The following RUFY4 variants were observed in gnomAD, a reference collection of about 807,000 sequenced individuals.
RUFY4 encodes RUN and FYVE domain-containing protein 4.
Under a neutral mutation model 69.0 loss-of-function variants are expected in RUFY4, and 73 were observed. The ratio of observed to expected loss-of-function variants is 1.06; its 90% CI spans 0.88 to 1.29. RUFY4 has a LOEUF of 1.29. RUFY4 is among the 50% of genes most tolerant of loss of function. The probability of loss-of-function intolerance (pLI) is 0.00; values close to 1 mark genes in which losing one functional copy is unlikely to be tolerated. For synonymous variants in RUFY4, 287 were observed against 271.8 expected, an observed-to-expected ratio of 1.06 and a Z score of -0.55; for missense variants, 770 against 705.6, an observed-to-expected ratio of 1.09 and a Z score of -1.03.
exon 7 of RUFY4, chr2:218,075,731 C>T (rs374465749): frequency 6.0e-5 from 87 of 1,440,322 alleles, no homozygotes; most frequent in African/African-American, 2.4e-4. Context: ...CCCTGCAGGA[C>T]GAGATCAAGG....
At chr2:218,089,965 C>T in exon 11 of RUFY4, 1 of 1,561,854 alleles carries the variant, frequency 6.4e-7, no homozygotes, top group South Asian at 1.2e-5. Context: ...CTGTGGAGGC[C>T]TGCTCTGCCA....
chr2:218,077,275 T>C (rs1689656822), intron 8 of RUFY4, among the ~76,000 whole-genome samples: 1 of 152,208 alleles, frequency 6.6e-6, no homozygotes, highest in South Asian at 2.1e-4. Flanking sequence ...ATCCAGTGTC[T>C]TCATCTTCCG....
chr2:218,081,937 C>T (rs1013213237), intron 8 of RUFY4, among the ~76,000 whole-genome samples: 1 of 152,194 alleles, frequency 6.6e-6, no homozygotes, highest in African/African-American at 2.4e-5. Flanking sequence ...AAGCCTCTTC[C>T]GCTCAAACAC....
chr2:218,070,190 A>T, upstream of RUFY4: 1 of 265,506 alleles, frequency 3.8e-6, no homozygotes, highest in South Asian at 4.6e-5. Context: ...AGGACCCAGA[A>T]CACAGGCCCT....
upstream of RUFY4, among the ~76,000 whole-genome samples, chr2:218,066,177 C>CTTTTTTTT (rs58665951): frequency 3.6e-4 from 27 of 74,422 alleles, no homozygotes; most frequent in Non-Finnish European, 4.5e-4. Flanking sequence ...CTTTTCTTTT[C>CTTTTTTTT]TTTTTTTTTT....
At chr2:218,060,777 G>C in intron 3 of RUFY4, 1 of 1,571,580 alleles carries the variant, frequency 6.4e-7, no homozygotes, top group Non-Finnish European at 8.8e-7. Flanking sequence ...AAAGGACTGG[G>C]GCAGGATCCG....
intron 3 of RUFY4, chr2:218,060,298 G>A: frequency 2.0e-6 from 3 of 1,489,476 alleles, no homozygotes; most frequent in Non-Finnish European, 2.7e-6. Context: ...ACTGTGAAGA[G>A]AAGGGAGGAA....
Position 218,075,240 on chromosome 2 carries a change from G to T in RUFY4, c.748G>T (p.Glu250Ter). 6.4e-7 allele frequency: 1 copy of T among 1,569,654 alleles called. No individual in the cohort carries two copies. Among genetic ancestry groups the T allele is most frequent in the Admixed American group, 1.9e-5 (1 of 52,550 alleles). ...ACAAAGGCATCTTCCTTTCTTTTTG[G>T]AAAAGAAGGGGGAAAGTTCCAGGAA... The change falls in exon 7 of 11, where the codon GAA becomes TAA. Residue 250 changes from glutamate (E) to a stop codon, truncating the protein, a stop_gained. Transcript: ENST00000344321. LOFTEE classifies it high-confidence loss of function.
chr2:218,085,260 G>GTGAT (rs988686483), intron 9 of RUFY4, among the ~76,000 whole-genome samples: 4 of 152,012 alleles, frequency 2.6e-5, no homozygotes, highest in African/African-American at 9.7e-5. Context: ...CAGTGCAAAG[G>GTGAT]TGATTAATCA....
intron 4 of RUFY4, 52 bp downstream of exon 6, chr2:218,072,937 C>G: frequency 7.1e-7 from 1 of 1,408,226 alleles, no homozygotes; most frequent in South Asian, 1.4e-5. Flanking sequence ...CACTTTCCCT[C>G]CTTTGTAAAA....
intron 8 of RUFY4, 103 bp from the exon 11 acceptor site, chr2:218,083,007 C>T: frequency 2.3e-6 from 3 of 1,291,348 alleles, no homozygotes; most frequent in Non-Finnish European, 3.0e-6. Context: ...GGGGGCATCA[C>T]CAGCGTCTCC....
In RUFY4 at chr2:218,082,405, TG is replaced by T. The variant is rs1298009036; in HGVS notation, c.1356-703del. ...CCTTCCCTCCAGAGAGCTGCCATGA[TG>T]GTGAACACACCTTTCAAGAAAGTTA... On this transcript the variant is annotated intron_variant, in intron 8 of 10. Coordinates refer to ENST00000344321, the Ensembl canonical transcript of RUFY4. Among the ~76,000 whole-genome samples the T allele has an allele frequency of 3.9e-5, 6 of 152,288 alleles. No individual in the cohort carries two copies. In the East Asian group the frequency reaches 1.2e-3, roughly 29 times the overall value.
chr2:218,076,648 C>T, intron 8 of RUFY4, 115 bp downstream of exon 10: 3 of 1,459,864 alleles, frequency 2.1e-6, no homozygotes, highest in South Asian at 1.4e-5. Context: ...AGGCCCTGGA[C>T]TGGGCACACC....
intron 2 of RUFY4, among the ~76,000 whole-genome samples, chr2:218,048,065 T>A (rs969440191): frequency 7.2e-5 from 11 of 152,188 alleles, no homozygotes; most frequent in African/African-American, 2.7e-4. Flanking sequence ...TTGAACTAAT[T>A]TACACTCCCA....
intron 2 of RUFY4, among the ~76,000 whole-genome samples, chr2:218,055,836 A>C (rs1193249888): frequency 6.6e-6 from 1 of 152,230 alleles, no homozygotes; most frequent in East Asian, 1.9e-4. Context: ...CTTCATGCTT[A>C]GGCAGCTTTT....
At chr2:218,044,121 C>T (rs2106027679) in intron 2 of RUFY4, among the ~76,000 whole-genome samples, 1 of 152,310 alleles carries the variant, frequency 6.6e-6, no homozygotes, top group Non-Finnish European at 1.5e-5. Flanking sequence ...CTTCTGGGGC[C>T]TCCAAAGCAC....
At chr2:218,071,059 G>A (rs1689474765) in intron 2 of RUFY4, among the ~76,000 whole-genome samples, 200 bp downstream of exon 4, 1 of 152,206 alleles carries the variant, frequency 6.6e-6, no homozygotes, top group African/African-American at 2.4e-5. Flanking sequence ...AGCGGGGCTG[G>A]AAGGGACCCA....
chr2:218,062,138 G>A (rs1689209837), intron 3 of RUFY4, among the ~76,000 whole-genome samples: 1 of 152,154 alleles, frequency 6.6e-6, no homozygotes, highest in Non-Finnish European at 1.5e-5. Flanking sequence ...AGTGGCTCAC[G>A]CCTGTAATCC....
At chr2:218,080,480 T>A (rs1335986723) in intron 8 of RUFY4, among the ~76,000 whole-genome samples, 1 of 152,144 alleles carries the variant, frequency 6.6e-6, no homozygotes, top group African/African-American at 2.4e-5. Flanking sequence ...CTGGGGACAG[T>A]GGTCTGCCCT....
Sources: allele counts gnomAD v4.1 joint callset (sites outside exome capture counted in the v4.1 genomes callset), GRCh38; gene constraint gnomAD v4.1.1; transcripts MANE v1.5; gene names NCBI Gene and HGNC (gene_info 2026-07-23, HGNC 2026-07-21).